The following PLCB1 variants were observed in gnomAD, a reference collection of about 807,000 sequenced individuals.
PLCB1 encodes phospholipase C beta 1.
A neutral mutation model predicts 161.8 loss-of-function variants in PLCB1; 46 were observed. The ratio of observed to expected loss-of-function variants is 0.28; its 90% confidence interval spans 0.22 to 0.36. The LOEUF is 0.36. Ranked by LOEUF, PLCB1 falls within the 10% of genes least tolerant of loss-of-function variation. The pLI, the probability that PLCB1 is intolerant of heterozygous loss-of-function variation, is 1.00. For missense variants in PLCB1, 1,016 were observed against 1,472.5 expected, an observed-to-expected ratio of 0.69 and a Z score of 5.07; for synonymous variants, 517 against 503.7, an observed-to-expected ratio of 1.03 and a Z score of -0.35.
At chr20:8,290,065 C>G (rs986975304) in intron 2 of PLCB1, among the ~76,000 whole-genome samples, 1 of 151,948 alleles carries the variant, frequency 6.6e-6, no homozygotes, top group African/African-American at 2.4e-5. Flanking sequence ...TACTGTGTAC[C>G]CTAAAATGGT....
At chr20:8,144,263 C>G (rs1205287822) in intron 1 of PLCB1, among the ~76,000 whole-genome samples, 4 of 152,132 alleles carry the variant, frequency 2.6e-5, no homozygotes, top group Non-Finnish European at 5.9e-5. Flanking sequence ...ATTGGTTTTT[C>G]TCATCTGATG....
chr20:8,624,114 G>A (rs1480049021), intron 3 of PLCB1, among the ~76,000 whole-genome samples: 1 of 152,184 alleles, frequency 6.6e-6, no homozygotes, highest in South Asian at 2.1e-4. Context: ...TTATCACTAT[G>A]AAGCTGAATC....
chr20:8,535,226 A>AG (rs1985002882), intron 3 of PLCB1, among the ~76,000 whole-genome samples: 4 of 142,264 alleles, frequency 2.8e-5, no homozygotes, highest in African/African-American at 1.1e-4. Flanking sequence ...AAAAAAAAAA[A>AG]GGAAAGAAAA....
chr20:8,844,202 T>C (rs1456948860), intron 31 of PLCB1, among the ~76,000 whole-genome samples: 1 of 152,220 alleles, frequency 6.6e-6, no homozygotes, highest in Admixed American at 6.5e-5. Flanking sequence ...AAACGTCAGC[T>C]CTCAACTCTG....
chr20:8,399,310 GC>G (rs927774310), intron 3 of PLCB1, among the ~76,000 whole-genome samples: 1 of 151,514 alleles, frequency 6.6e-6, no homozygotes, highest in African/African-American at 2.4e-5. Flanking sequence ...CTTTTTATTT[GC>G]AATCCAGTTG....
chr20:8,743,445 T>G (rs2123526275), intron 23 of PLCB1, among the ~76,000 whole-genome samples: 1 of 152,290 alleles, frequency 6.6e-6, no homozygotes, highest in East Asian at 1.9e-4. Flanking sequence ...TTGTTTGTGG[T>G]GGGCAACTTC....
chr20:8,160,357 T>C (rs922805453), intron 2 of PLCB1, among the ~76,000 whole-genome samples: 2 of 152,204 alleles, frequency 1.3e-5, no homozygotes, highest in African/African-American at 4.8e-5. Context: ...GGGTATCTTT[T>C]CAGCAACACC....
chr20:8,787,772 A>C (rs1219200056), intron 27 of PLCB1, among the ~76,000 whole-genome samples: 1 of 152,278 alleles, frequency 6.6e-6, no homozygotes, highest in African/African-American at 2.4e-5. Flanking sequence ...GCTTGATTTG[A>C]TAATAGATGT....
intron 23 of PLCB1, among the ~76,000 whole-genome samples, chr20:8,741,905 A>G (rs1186116828): frequency 6.6e-6 from 1 of 152,252 alleles, no homozygotes; most frequent in Non-Finnish European, 1.5e-5. Flanking sequence ...GATAATCATC[A>G]AATCATTTAG....
At chr20:8,526,683 C>T (rs1984597470) in intron 3 of PLCB1, among the ~76,000 whole-genome samples, 1 of 151,998 alleles carries the variant, frequency 6.6e-6, no homozygotes, top group African/African-American at 2.4e-5. Flanking sequence ...CTGCTCTGTT[C>T]ATTACATTCT....
At chr20:8,405,814 C>A (rs1470825967) in intron 3 of PLCB1, among the ~76,000 whole-genome samples, 2 of 152,112 alleles carry the variant, frequency 1.3e-5, no homozygotes, top group African/African-American at 4.8e-5. Context: ...CTGTCACTTC[C>A]TACTTTTTAT....
chr20:8,547,450 C>A (rs1382157013), intron 3 of PLCB1, among the ~76,000 whole-genome samples: 1 of 152,166 alleles, frequency 6.6e-6, no homozygotes. Context: ...AAAAGCATCA[C>A]CTCCTTAGTC....
chr20:8,337,643 A>G (rs893045661), intron 2 of PLCB1, among the ~76,000 whole-genome samples: 2 of 152,226 alleles, frequency 1.3e-5, no homozygotes, highest in African/African-American at 2.4e-5. Flanking sequence ...TTATAAATTC[A>G]TAATGATAAT....
At chr20:8,207,374 G>A (rs2123137610) in intron 2 of PLCB1, among the ~76,000 whole-genome samples, 1 of 152,160 alleles carries the variant, frequency 6.6e-6, no homozygotes, top group African/African-American at 2.4e-5. Flanking sequence ...TAAACAGAAA[G>A]GAAAAGTGCT....
chr20:8,736,300 C>T (rs561518211), intron 19 of PLCB1, among the ~76,000 whole-genome samples: 14 of 152,234 alleles, frequency 9.2e-5, no homozygotes, highest in South Asian at 4.2e-4. Flanking sequence ...TTTATAAATA[C>T]GTAATATTAA....
intron 3 of PLCB1, among the ~76,000 whole-genome samples, chr20:8,588,789 G>A (rs1200002687): frequency 1.3e-5 from 2 of 152,208 alleles, no homozygotes; most frequent in Non-Finnish European, 2.9e-5. Flanking sequence ...GTGTTATGGT[G>A]TGGCAGCCCA....
intron 27 of PLCB1, among the ~76,000 whole-genome samples, chr20:8,785,694 T>C (rs2146216299): frequency 6.6e-6 from 1 of 151,916 alleles, no homozygotes; most frequent in East Asian, 1.9e-4. Flanking sequence ...CAAACCAACA[T>C]AAAAGTCAGA....
chr20:8,600,967 G>A (rs1365530313), intron 3 of PLCB1, among the ~76,000 whole-genome samples: 9 of 152,056 alleles, frequency 5.9e-5, no homozygotes, highest in Non-Finnish European at 7.4e-5. Flanking sequence ...GCTCGCGCAC[G>A]GTGCGCGCAC....
chr20:8,646,959 C>G (rs1989185928), intron 5 of PLCB1, among the ~76,000 whole-genome samples: 2 of 152,214 alleles, frequency 1.3e-5, no homozygotes, highest in Non-Finnish European at 2.9e-5. Context: ...CTTCCCTCTT[C>G]TTATGTAAGA....
Sources: allele counts gnomAD v4.1 joint callset (sites outside exome capture counted in the v4.1 genomes callset), GRCh38; gene constraint gnomAD v4.1.1; transcripts MANE v1.5; gene names NCBI Gene and HGNC (gene_info 2026-07-23, HGNC 2026-07-21).